The following IL13RA1 variants were observed in gnomAD, a reference collection of about 807,000 sequenced individuals.
IL13RA1 encodes the protein interleukin 13 receptor subunit alpha 1, also known as interleukin-13 receptor subunit alpha-1.
A neutral mutation model predicts 33.8 loss-of-function variants in IL13RA1; 14 were observed. That is an observed-to-expected ratio of 0.41 (90% CI 0.27 to 0.65). IL13RA1 has a LOEUF of 0.65. IL13RA1 is among the 30% of genes least tolerant of loss of function. IL13RA1 has a pLI of 0.28. For missense variants in IL13RA1, 313 were observed against 327.0 expected (o/e 0.96, Z 0.33); for synonymous variants, 116 against 115.7 (o/e 1.00, Z -0.02).
intron 4 of IL13RA1, among the ~76,000 whole-genome samples, chrX:118,753,836 C>G (rs1406528654): frequency 8.8e-6 from 1 of 113,055 alleles, no homozygotes; most frequent in Non-Finnish European, 1.9e-5. Flanking sequence ...TTGTCATATA[C>G]AGTCCCAGAG....
intron 4 of IL13RA1, 120 bp from the exon 5 acceptor site, chrX:118,757,935 C>T: frequency 2.4e-6 from 1 of 416,494 alleles, no homozygotes; most frequent in East Asian, 3.6e-5. Context: ...AAGTGATCCG[C>T]CTGCCTCAGC....
In IL13RA1 at chrX:118,794,379, T is replaced by C. The variant is rs780528479; in HGVS notation, c.*2525T>C. On this transcript the variant is annotated 3_prime_UTR_variant, in exon 11 of 11. Transcript: ENST00000371666. ...CCCAGTGTCAGGATGGTAATTCTTA[T>C]TCTTTCGTTCAGTTAAGTTTTTCCC... 2.7e-5 allele frequency: 3 copies of C among 112,675 alleles called. No homozygotes were observed. Among genetic ancestry groups the C allele is most frequent in the Non-Finnish European group, 3.8e-5 (2 of 53,269 alleles). The allele number at this position is 112,675 out of a possible 1,213,427, so 9.3% of individuals were successfully genotyped here.
At chrX:118,762,446 A>T (rs1056013481) in intron 6 of IL13RA1, among the ~76,000 whole-genome samples, 1 of 112,095 alleles carries the variant, frequency 8.9e-6, no homozygotes, top group African/African-American at 3.2e-5. Flanking sequence ...GGAGCCTAGC[A>T]TCTCGCACGT....
chrX:118,776,470 A>G lies in IL13RA1; in HGVS notation c.1150A>G (p.Ile384Val). Residue 384 changes from isoleucine (I) to valine (V), a missense_variant, in exon 10 of 11, where the codon ATT (isoleucine) becomes GTT (valine). Transcript: ENST00000371666. ...IFPPIPDPGKIFKEMFGDQND... is the reference protein window; with the variant it reads ...IFPPIPDPGKVFKEMFGDQND... ...CCCTCCAATTCCTGATCCTGGCAAG[A>G]TTTTTAAAGAAATGTTTGGAGACCA... 1 of 959,596 alleles carries G rather than the reference A, an allele frequency of 1.0e-6. No individual in the cohort carries two copies. The highest frequency in any genetic ancestry group is 1.5e-6 in the Non-Finnish European group (1 of 680,073). The allele number at this position is 959,596 out of a possible 1,213,427, so 79.1% of individuals were successfully genotyped here. A position where few individuals can be genotyped will look rare whatever the true frequency, so the allele number is the denominator to read the frequency against.
chrX:118,784,101 A>ATATATATATACGTATATATG (rs2017881142), intron 10 of IL13RA1, among the ~76,000 whole-genome samples: 1 of 65,499 alleles, frequency 1.5e-5, no homozygotes, highest in African/African-American at 5.6e-5. Context: ...ATATATATAT[A>ATATATATATACGTATATATG]TATATATACG....
In IL13RA1 at chrX:118,766,941, A is replaced by G. The variant is rs1389080267; in HGVS notation, c.974A>G (p.Lys325Arg). The G allele has an allele frequency of 1.8e-6, 2 of 1,137,454 alleles. No homozygotes were observed. Among genetic ancestry groups the G allele is most frequent in the Admixed American group, 4.5e-5 (2 of 44,744 alleles). 93.7% of individuals were successfully genotyped at this position (1,137,454 alleles called of 1,213,427 possible). A position where few individuals can be genotyped will look rare whatever the true frequency, so the allele number is the denominator to read the frequency against. Residue 325 changes from lysine to arginine, a missense_variant, in exon 8 of 11, where the codon AAA becomes AGA. Transcript: ENST00000371666. Reference sequence around the variant, plus strand: ...AATAAGTTATGCTATGAGGATGACAAACTCTGGAGTAATTGGAGCCAAGAA... The same window carrying G: ...AATAAGTTATGCTATGAGGATGACAGACTCTGGAGTAATTGGAGCCAAGAA... Reference protein sequence around the residue: ...KTNKLCYEDDKLWSNWSQEMS... With the variant: ...KTNKLCYEDDRLWSNWSQEMS...
intron 10 of IL13RA1, among the ~76,000 whole-genome samples, chrX:118,787,833 A>G (rs953844404): frequency 1.8e-5 from 2 of 111,985 alleles, no homozygotes; most frequent in Non-Finnish European, 3.8e-5. Flanking sequence ...TTGTTCCCTG[A>G]ACATTGCTGT....
chrX:118,800,167 A>C, the IL13RA1 span, among the ~76,000 whole-genome samples: 9 of 111,421 alleles, frequency 8.1e-5, no homozygotes, highest in East Asian at 8.5e-4. Flanking sequence ...ACGTACCAAT[A>C]AGTGCCCTGA....
the IL13RA1 span, among the ~76,000 whole-genome samples, chrX:118,803,942 T>TTTTC: frequency 1.2e-4 from 12 of 100,301 alleles, no homozygotes; most frequent in East Asian, 3.3e-4. Context: ...TTTTTTTCTT[T>TTTTC]TTTCTTTCTT....
intron 1 of IL13RA1, among the ~76,000 whole-genome samples, chrX:118,733,252 C>T: frequency 8.9e-6 from 1 of 112,005 alleles, no homozygotes; most frequent in African/African-American, 3.2e-5. Context: ...TTTTAAATTT[C>T]CACCAACTGT....
intron 4 of IL13RA1, among the ~76,000 whole-genome samples, chrX:118,750,043 C>T (rs774492761): frequency 8.9e-6 from 1 of 111,769 alleles, no homozygotes; most frequent in Non-Finnish European, 1.9e-5. Flanking sequence ...CCAGTGGTAA[C>T]ATCTTGTGTA....
intron 8 of IL13RA1, among the ~76,000 whole-genome samples, chrX:118,772,160 A>G (rs999284497): frequency 5.3e-5 from 6 of 112,497 alleles, no homozygotes; most frequent in Non-Finnish European, 1.1e-4. Context: ...ATGCTTTTTA[A>G]CTGTAGAATC....
rs750499586 is a variant in IL13RA1, at chrX:118,750,408, G to A, written c.488+630G>A. ...CTGGCTTAAAAAAAAAAAACTCAGC[G>A]TAATACCCTGGAGATCTATACAAGT... On this transcript the variant is annotated intron_variant, in intron 4 of 10. Transcript: ENST00000371666. Among the ~76,000 whole-genome samples, 13 of 109,501 alleles carry A rather than the reference G, an allele frequency of 1.2e-4. 1 individual carries two copies. Among genetic ancestry groups the A allele is most frequent in the Non-Finnish European group, 2.3e-4 (12 of 52,662 alleles).
downstream of IL13RA1, among the ~76,000 whole-genome samples, chrX:118,796,163 G>T (rs185150954): frequency 1.6e-3 from 185 of 112,462 alleles, no homozygotes; most frequent in Non-Finnish European, 1.0e-3. Flanking sequence ...ATTATAAAAA[G>T]AAAATTAATA....
In IL13RA1 at chrX:118,784,129, GTA is replaced by G. The variant is rs72041786; in HGVS notation, c.1192-7616_1192-7615del. On this transcript the variant is annotated intron_variant, in intron 10 of 10. Transcript: ENST00000371666. ...TATATACGTATATATGTATATATAT[GTA>G]TATATATATATATATACGTATATAC... is the stretch of plus-strand genomic sequence containing the variant. Among the ~76,000 whole-genome samples, 69 of 61,479 alleles carry G rather than the reference GTA, an allele frequency of 1.1e-3. 5 individuals carry two copies. The highest frequency in any genetic ancestry group is 2.3e-3 in the African/African-American group (27 of 11,932). 53.4% of individuals were successfully genotyped at this position (61,479 alleles called of 115,157 possible).
chrX:118,742,204 T>A (rs1198889969), intron 2 of IL13RA1, among the ~76,000 whole-genome samples: 1 of 112,208 alleles, frequency 8.9e-6, no homozygotes. Context: ...GTGTTACTTA[T>A]GGTTTAGGCG....
Position 118,794,071 on chromosome X carries a change from C to T in IL13RA1, c.*2217C>T, listed in dbSNP as rs924351519. The T allele has an allele frequency of 1.8e-5, 2 of 112,246 alleles. No homozygotes were observed. The highest frequency in any genetic ancestry group is 6.5e-5 in the African/African-American group (2 of 30,872). 9.3% of individuals were successfully genotyped at this position (112,246 alleles called of 1,213,427 possible). On this transcript the variant is annotated 3_prime_UTR_variant, in exon 11 of 11. Coordinates refer to ENST00000371666, the MANE Select transcript of IL13RA1 (RefSeq NM_001560.3). Reference sequence around the variant, plus strand: ...TATTTAGATGGCCATGAAGAGGATGCTGTGAAATTCCCAACAAACATTGAT... The same window carrying T: ...TATTTAGATGGCCATGAAGAGGATGTTGTGAAATTCCCAACAAACATTGAT...
chrX:118,760,737 C>CAT (rs1293044281), intron 5 of IL13RA1, among the ~76,000 whole-genome samples: 2 of 112,154 alleles, frequency 1.8e-5, no homozygotes, highest in African/African-American at 6.5e-5. Context: ...ATGAACCCTG[C>CAT]ATATATCTGC....
intron 1 of IL13RA1, among the ~76,000 whole-genome samples, chrX:118,736,765 C>T (rs903422292): frequency 1.8e-5 from 2 of 111,806 alleles, no homozygotes; most frequent in Non-Finnish European, 3.8e-5. Flanking sequence ...TGCCACCACA[C>T]CTAGCTAATT....
Sources: gnomAD v4.1 joint callset for allele counts (sites outside exome capture counted in the v4.1 genomes callset) on GRCh38, gnomAD v4.1.1 for gene constraint, MANE v1.5 for transcripts, NCBI Gene and HGNC (gene_info 2026-07-23, HGNC 2026-07-21) for gene names.